The following LPAR1 variants were observed in gnomAD, a reference collection of about 807,000 sequenced individuals.
The protein encoded by LPAR1 is LPA receptor 1.
LPAR1 carries 5 observed loss-of-function variants against 23.8 expected under a neutral mutation model. The ratio of observed to expected loss-of-function variants is 0.21; its 90% CI spans 0.11 to 0.44. LPAR1 has a LOEUF of 0.44. Among genes scored for constraint, LPAR1 ranks in the 20% least tolerant of loss-of-function variants. The probability of loss-of-function intolerance (pLI) is 0.99; values close to 1 mark genes in which losing one functional copy is unlikely to be tolerated. For missense variants in LPAR1, 311 were observed against 482.8 expected, an observed-to-expected ratio of 0.64 and a Z score of 3.33; for synonymous variants, 160 against 164.7, an observed-to-expected ratio of 0.97 and a Z score of 0.22.
intron 2 of LPAR1, among the ~76,000 whole-genome samples, chr9:110,991,461 T>C (rs1230691924): frequency 6.6e-6 from 1 of 152,196 alleles, no homozygotes; most frequent in Non-Finnish European, 1.5e-5. Flanking sequence ...CTGTAATCTA[T>C]AACTAGATAG....
chr9:110,911,175 C>T (rs1441504513), intron 5 of LPAR1, among the ~76,000 whole-genome samples: 1 of 152,098 alleles, frequency 6.6e-6, no homozygotes, highest in East Asian at 1.9e-4. Flanking sequence ...TTGCCACAGC[C>T]ACCCCAATCT....
chr9:110,928,613 T>A (rs1158267162), intron 5 of LPAR1, among the ~76,000 whole-genome samples: 2 of 152,178 alleles, frequency 1.3e-5, no homozygotes, highest in Non-Finnish European at 2.9e-5. Context: ...CACACATACA[T>A]ATACACACAC....
rs767182008 is a variant in LPAR1 at position 110,875,499 on chromosome 9, T to C, written c.1017A>G (p.Glu339=). ...QRSENPTGPT[E]GSDRSASSLN... is the part of the protein sequence containing the mutation. The stretch of plus-strand genomic sequence containing the variant: ...GGGAGGAAGCCGAGCGGTCTGAGCC[T>C]TCTGTGGGGCCGGTGGGGTTCTCAC... Residue 339 remains glutamate (E), a synonymous_variant, in exon 6 of 6, where the codon GAA becomes GAG. Coordinates refer to ENST00000683809, the MANE Select transcript of LPAR1 (RefSeq NM_001351411.2). 6.2e-7 allele frequency: 1 copy of C among 1,614,100 alleles called. No homozygotes were observed. The highest frequency in any genetic ancestry group is 8.5e-7 in the Non-Finnish European group (1 of 1,180,000).
chr9:111,019,391 C>CT (rs2097518081), intron 2 of LPAR1, among the ~76,000 whole-genome samples: 2 of 152,056 alleles, frequency 1.3e-5, no homozygotes, highest in South Asian at 2.1e-4. Context: ...GTTTTAAATA[C>CT]TTTAAGATGT....
chr9:110,883,608 T>TAAATGTGATA (rs1251592825), intron 5 of LPAR1, among the ~76,000 whole-genome samples: 6 of 152,336 alleles, frequency 3.9e-5, no homozygotes, highest in African/African-American at 1.4e-4. Flanking sequence ...ATGCCCTTAA[T>TAAATGTGATA]TCTCTTACTA....
chr9:110,991,932 CTCAG>C (rs1028856438), intron 2 of LPAR1, among the ~76,000 whole-genome samples: 1 of 152,042 alleles, frequency 6.6e-6, no homozygotes, highest in African/African-American at 2.4e-5. Flanking sequence ...GGCTGTAGTC[CTCAG>C]TCAGTCTATA....
intron 5 of LPAR1, among the ~76,000 whole-genome samples, chr9:110,878,883 C>T (rs2079889317): frequency 6.6e-6 from 1 of 152,094 alleles, no homozygotes. Context: ...TAAAGAGATT[C>T]CTAGGACTTG....
At chr9:110,955,362 A>G (rs1309000905) in intron 4 of LPAR1, among the ~76,000 whole-genome samples, 1 of 152,220 alleles carries the variant, frequency 6.6e-6, no homozygotes, top group African/African-American at 2.4e-5. Flanking sequence ...ATAACGATAA[A>G]GGAATCAATC....
rs189895302 is a variant in LPAR1 at position 111,001,310 on chromosome 9, A to G, written c.-181-27752T>C. On this transcript the variant is annotated intron_variant, in intron 2 of 5. Coordinates refer to ENST00000683809, the MANE Select transcript of LPAR1 (RefSeq NM_001351411.2). ...GCTCCTAAATTTCCAGTGAAATGCT[A>G]AGGACCAAAATAGCCAAGACAAATT... 1.1e-3 allele frequency among the ~76,000 whole-genome samples: 174 copies of G among 152,316 alleles called. 1 individual carries two copies. The highest frequency in any genetic ancestry group is 1.9e-3 in the Admixed American group (29 of 15,294).
intron 2 of LPAR1, among the ~76,000 whole-genome samples, chr9:111,024,026 A>T (rs933715763): frequency 9.9e-5 from 15 of 152,212 alleles, no homozygotes; most frequent in African/African-American, 3.6e-4. Flanking sequence ...AAAATATACG[A>T]GGAAAAAGCA....
chr9:111,015,972 T>C (rs2097436492), intron 2 of LPAR1, among the ~76,000 whole-genome samples: 1 of 152,030 alleles, frequency 6.6e-6, no homozygotes, highest in Non-Finnish European at 1.5e-5. Context: ...TAGGCTATAA[T>C]TCACCTTGCT....
chr9:110,989,369 T>C (rs981057164), intron 2 of LPAR1, among the ~76,000 whole-genome samples: 3 of 152,196 alleles, frequency 2.0e-5, no homozygotes, highest in Admixed American at 6.5e-5. Context: ...TCAAAAACTA[T>C]TGAATTTTAA....
chr9:110,928,809 G>C (rs1037652868), intron 5 of LPAR1, among the ~76,000 whole-genome samples: 2 of 152,188 alleles, frequency 1.3e-5, no homozygotes, highest in Non-Finnish European at 2.9e-5. Context: ...TCACTTGCTG[G>C]CTACAGCAAA....
chr9:110,937,063 G>A (rs1026813303), intron 5 of LPAR1, among the ~76,000 whole-genome samples: 1 of 152,120 alleles, frequency 6.6e-6, no homozygotes, highest in Non-Finnish European at 1.5e-5. Flanking sequence ...ACTATACCTT[G>A]AACAAAATCC....
chr9:110,944,631 C>T (rs1178857187), intron 4 of LPAR1, among the ~76,000 whole-genome samples: 1 of 152,008 alleles, frequency 6.6e-6, no homozygotes, highest in Non-Finnish European at 1.5e-5. Flanking sequence ...TAGCCCTTCC[C>T]ACAGAGAAAA....
rs2097931509 is a variant in LPAR1, at chr9:111,038,127, C to T, written c.-262+40G>A. ...TCGCCGCGGCCTCTGGCTTCGCGCC[C>T]AGGGGGCGCCGTCCCCACACGCCGC... On this transcript the variant is annotated intron_variant, in intron 1 of 5. Coordinates refer to ENST00000683809, the MANE Select transcript of LPAR1 (RefSeq NM_001351411.2). This position sits in a 1 kb window ranked among gnomAD's most constrained non-coding sequence, Gnocchi z 4.4. 1 of 151,394 alleles carries T rather than the reference C, an allele frequency of 6.6e-6. No individual in the cohort carries two copies. The highest frequency in any genetic ancestry group is 1.5e-5 in the Non-Finnish European group (1 of 67,782). The allele number at this position is 151,394 out of a possible 1,614,324, so 9.4% of individuals were successfully genotyped here. A position where few individuals can be genotyped will look rare whatever the true frequency, so the allele number is the denominator to read the frequency against.
At chr9:110,991,193 C>A (rs994538178) in intron 2 of LPAR1, among the ~76,000 whole-genome samples, 2 of 152,182 alleles carry the variant, frequency 1.3e-5, no homozygotes, top group Non-Finnish European at 2.9e-5. Context: ...AGATAAGATA[C>A]CTGTGAGCCA....
chr9:110,908,307 A>G lies in LPAR1; in HGVS notation c.794-32585T>C, dbSNP rs59379969. ...ATAATTCATTAATGCTTAATAAACT[A>G]TTAACAAATTAATATTAATTAATAT... On this transcript the variant is annotated intron_variant, in intron 5 of 5. Transcript: ENST00000683809. Among the ~76,000 whole-genome samples the G allele has an allele frequency of 2.4e-3, 354 of 147,438 alleles. 8 individuals carry two copies. In the East Asian group the frequency reaches 0.059, roughly 25 times the overall value.
chr9:110,916,050 C>T (rs534237707), intron 5 of LPAR1, among the ~76,000 whole-genome samples: 5 of 152,112 alleles, frequency 3.3e-5, no homozygotes, highest in African/African-American at 1.2e-4. Flanking sequence ...ATAAGGGAAA[C>T]TTGAGTATGA....
Sources: gnomAD v4.1 joint callset for allele counts (sites outside exome capture counted in the v4.1 genomes callset) on GRCh38, gnomAD v4.1.1 for gene constraint, Gnocchi (gnomAD v3.1) non-coding constraint, MANE v1.5 for transcripts, NCBI Gene and HGNC (gene_info 2026-07-23, HGNC 2026-07-21) for gene names.